DDX60L: variants seen among roughly 807,000 people sequenced by gnomAD.
DDX60L encodes DExD/H-box 60 like.
Under a neutral mutation model 211.6 loss-of-function variants are expected in DDX60L, and 191 were observed. That is an observed-to-expected ratio of 0.90 (90% confidence interval 0.80 to 1.02). The LOEUF is 1.02. DDX60L is among the 50% of genes least tolerant of loss of function. The pLI is 0.00. For synonymous variants in DDX60L, 706 were observed against 694.1 expected, an observed-to-expected ratio of 1.02 and a Z score of -0.27; for missense variants, 2,007 against 1,984.1, an observed-to-expected ratio of 1.01 and a Z score of -0.22.
chr4:168,451,501 A>T (rs1349943615), intron 8 of DDX60L, among the ~76,000 whole-genome samples: 1 of 152,138 alleles, frequency 6.6e-6, no homozygotes, highest in Non-Finnish European at 1.5e-5. Flanking sequence ...TGTCAGTTTC[A>T]AAGCCTAAAG....
Position 168,421,875 on chromosome 4 carries a change from G to A in DDX60L, c.2279C>T (p.Ser760Leu). The change falls in exon 17 of 38, where the codon TCA becomes TTA. Residue 760 changes from serine (S) to leucine (L), a missense_variant. Ser to Leu is a moderately radical substitution (Grantham distance 145). Transcript: ENST00000682922. ...GGACGTTGGGGCAACAATCACTGCT[G>A]ACTCATTCTTATCTACCACATCCAG... Reference protein sequence around the residue: ...ELLDVVDKNESAVIVAPTSSG... With the variant: ...ELLDVVDKNELAVIVAPTSSG... 4 of 1,614,162 alleles carry A rather than the reference G, an allele frequency of 2.5e-6. No homozygotes were observed. Among genetic ancestry groups the A allele is most frequent in the Non-Finnish European group, 3.4e-6 (4 of 1,180,022 alleles).
intron 5 of DDX60L, among the ~76,000 whole-genome samples, chr4:168,458,606 G>A (rs1032178815): frequency 6.6e-6 from 1 of 152,080 alleles, no homozygotes; most frequent in Non-Finnish European, 1.5e-5. Flanking sequence ...TGAACAATGA[G>A]AACACATGGA....
chr4:168,376,851 G>C (rs930659209), intron 33 of DDX60L, among the ~76,000 whole-genome samples: 2 of 152,168 alleles, frequency 1.3e-5, no homozygotes, highest in Non-Finnish European at 2.9e-5. Context: ...TTTTGCTATA[G>C]TTTACACATA....
At position 168,408,124 on chromosome 4, in the gene DDX60L, CTTAAGTAATTAGTTTTCTAAGAATTA is replaced by C. The variant is rs373876627; in HGVS notation, c.2980-1444_2980-1419del. Among the ~76,000 whole-genome samples the C allele has an allele frequency of 2.8e-3, 432 of 152,246 alleles. 1 individual carries two copies. The highest frequency in any genetic ancestry group is 9.6e-3 in the African/African-American group (400 of 41,548). On this transcript the variant is annotated intron_variant, in intron 22 of 37. Transcript: ENST00000682922. ...TGTCTATAAATGAAGCCATTCTTGA[CTTAAGTAATTAGTTTTCTAAGAATTA>C]TCAAGTACATACTAATGCTGTGCTT...
At chr4:168,477,346 C>T (rs1227595045) in intron 1 of DDX60L, among the ~76,000 whole-genome samples, 3 of 151,226 alleles carry the variant, frequency 2.0e-5, no homozygotes, top group East Asian at 3.9e-4. Flanking sequence ...ACCTGGGAGG[C>T]GGAGCTTGCA....
chr4:168,420,517 T>C (rs147659099), intron 17 of DDX60L, 137 bp from the exon 18 acceptor site: 2 of 809,888 alleles, frequency 2.5e-6, no homozygotes, highest in African/African-American at 5.3e-5. Context: ...TCAATGAAAA[T>C]GAAATGAAGT....
chr4:168,464,983 T>A lies in DDX60L; in HGVS notation c.265-2943A>T, dbSNP rs981628545. Among the ~76,000 whole-genome samples, 6 of 152,254 alleles carry A rather than the reference T, an allele frequency of 3.9e-5. No homozygotes were observed. The South Asian group carries it at 1.2e-3, about 32-fold the overall frequency. The stretch of plus-strand genomic sequence containing the variant: ...CAGGACAGCAGATATCTCTTTAACA[T>A]ACTGATTTCCTATCCTTTGAATATA... On this transcript the variant is annotated intron_variant, in intron 4 of 37. Coordinates refer to ENST00000682922, the MANE Select transcript of DDX60L (RefSeq NM_001012967.3).
intron 35 of DDX60L, among the ~76,000 whole-genome samples, chr4:168,372,755 T>G (rs1255669368): frequency 5.4e-5 from 7 of 130,588 alleles, no homozygotes; most frequent in South Asian, 2.7e-4. Context: ...GGGAGGGGAG[T>G]CGAGGGAAGG....
At chr4:168,473,644 A>G (rs761347128) in intron 1 of DDX60L, among the ~76,000 whole-genome samples, 10 of 152,200 alleles carry the variant, frequency 6.6e-5, no homozygotes, top group Non-Finnish European at 1.3e-4. Context: ...AAATAGAACT[A>G]TCAAGTCATT....
chr4:168,457,261 T>TATATACACACAC (rs139881909), intron 6 of DDX60L, among the ~76,000 whole-genome samples: 11 of 145,206 alleles, frequency 7.6e-5, no homozygotes, highest in Admixed American at 4.8e-4. Flanking sequence ...ATAAACTACA[T>TATATACACACAC]ACACACACAC....
intron 4 of DDX60L, among the ~76,000 whole-genome samples, chr4:168,462,464 A>AG (rs1757438636): frequency 6.6e-6 from 1 of 151,852 alleles, no homozygotes; most frequent in South Asian, 2.1e-4. Flanking sequence ...AATTTACAAG[A>AG]GAAAAAAAAA....
chr4:168,427,386 T>C, intron 13 of DDX60L, 64 bp from the exon 14 acceptor site: 1 of 1,538,872 alleles, frequency 6.5e-7, no homozygotes, highest in Non-Finnish European at 8.8e-7. Context: ...ATTTCACTAG[T>C]GAGATTATTT....
intron 36 of DDX60L, among the ~76,000 whole-genome samples, chr4:168,366,516 G>A (rs1177925277): frequency 6.6e-6 from 1 of 151,792 alleles, no homozygotes; most frequent in African/African-American, 2.4e-5. Context: ...TCCACGTTCA[G>A]GGAATGAAAA....
At chr4:168,472,138 G>A (rs1758869391) in intron 3 of DDX60L, among the ~76,000 whole-genome samples, 1 of 152,118 alleles carries the variant, frequency 6.6e-6, no homozygotes, top group Non-Finnish European at 1.5e-5. Flanking sequence ...ATAAAATTAG[G>A]CTCAGAGAGG....
At position 168,419,302 on chromosome 4, in the gene DDX60L, C is replaced by G. The variant is rs964703988; in HGVS notation, c.2610G>C (p.Glu870Asp). Residue 870 changes from glutamate (E) to aspartate (D), a missense_variant and splice_region_variant, in exon 19 of 38, where the codon GAG (glutamate) becomes GAC (aspartate). By Grantham distance (45) the Glu-to-Asp change is conservative (BLOSUM62 2). Coordinates refer to ENST00000682922, the MANE Select transcript of DDX60L (RefSeq NM_001012967.3). ...VERIRYVIFD[E>D]VHYLGREVGA... ...ACCAGAGAACTAACACCAAACCTAC[C>G]TCATCAAATATAACATATCTGATCC... is the stretch of plus-strand genomic sequence containing the variant. The G allele has an allele frequency of 6.3e-7, 1 of 1,585,374 alleles. No individual in the cohort carries two copies. Among genetic ancestry groups the G allele is most frequent in the African/African-American group, 1.3e-5 (1 of 74,448 alleles).
In DDX60L at chr4:168,442,172, G is replaced by A. The variant is rs539833679; in HGVS notation, c.1139-680C>T. Among the ~76,000 whole-genome samples, 1,416 of 152,232 alleles carry A rather than the reference G, an allele frequency of 9.3e-3. 33 individuals are homozygous for A. Among genetic ancestry groups the A allele is most frequent in the African/African-American group, 0.032 (1,331 of 41,512 alleles). On this transcript the variant is annotated intron_variant, in intron 9 of 37. Coordinates refer to ENST00000682922, the MANE Select transcript of DDX60L (RefSeq NM_001012967.3). Reference sequence around the variant, plus strand: ...CACCGTGTGCGAGCCGAAGCAGGGCGAGGCATTGCCTCACTTGGGAAGCGC... The same window carrying A: ...CACCGTGTGCGAGCCGAAGCAGGGCAAGGCATTGCCTCACTTGGGAAGCGC...
chr4:168,361,198 G>A lies in DDX60L; in HGVS notation c.4942C>T (p.Gln1648Ter). 6.2e-7 allele frequency: 1 copy of A among 1,600,722 alleles called. No homozygotes were observed. Among genetic ancestry groups the A allele is most frequent in the Non-Finnish European group, 8.6e-7 (1 of 1,168,930 alleles). The change falls in exon 37 of 38, where the codon CAG becomes TAG. Residue 1648 changes from glutamine to a stop codon, truncating the protein, a stop_gained. Transcript: ENST00000682922. LOFTEE classifies it low-confidence loss of function (END_TRUNC). ...AAATCTTTCAAACACTTTAAAAGCT[G>A]TCCCATACGCATCCTAAAGAGAACA... is the stretch of plus-strand genomic sequence containing the variant. The part of the protein sequence containing the change: ...LDQKNGMRMG[Q>*]LLKCLKDFAF...
intron 25 of DDX60L, among the ~76,000 whole-genome samples, chr4:168,402,170 C>A (rs79679758): frequency 0.09 from 13,315 of 147,480 alleles, 776 homozygotes; most frequent in Non-Finnish European, 0.14. Context: ...CTCTGTCGCC[C>A]AGACTGGAGT....
chr4:168,451,767 T>C (rs1451472675), intron 8 of DDX60L, among the ~76,000 whole-genome samples: 5 of 152,320 alleles, frequency 3.3e-5, no homozygotes, highest in Middle Eastern at 3.4e-3. Flanking sequence ...TTGATTTTTC[T>C]CCTACCCCCT....
Sources: gnomAD v4.1 joint callset for allele counts (sites outside exome capture counted in the v4.1 genomes callset) on GRCh38, gnomAD v4.1.1 for gene constraint, MANE v1.5 for transcripts, NCBI Gene and HGNC (gene_info 2026-07-23, HGNC 2026-07-21) for gene names.